Variants in RASGRF2 observed in about 807,000 individuals in gnomAD.
The protein encoded by RASGRF2 is Ras protein specific guanine nucleotide releasing factor 2.
RASGRF2 carries 76 observed loss-of-function variants against 151.0 expected under a neutral mutation model. That is an observed-to-expected ratio of 0.50 (90% CI 0.42 to 0.61). The LOEUF (loss-of-function observed/expected upper bound fraction) is 0.61. RASGRF2 is among the 20% of genes least tolerant of loss of function. The pLI, the probability that RASGRF2 is intolerant of heterozygous loss-of-function variation, is 0.00. For synonymous variants in RASGRF2, 504 were observed against 566.5 expected (o/e 0.89, Z 1.57); for missense variants, 1,148 against 1,564.6 (o/e 0.73, Z 4.49).
At chr5:81,087,460 G>T (rs1752271829) in intron 9 of RASGRF2, 2 of 635,546 alleles carry the variant, frequency 3.1e-6, no homozygotes, top group African/African-American at 1.8e-5. Flanking sequence ...GTTGCCAGAT[G>T]AAATGTCTCT....
At chr5:80,999,324 C>T (rs1257327032) in intron 1 of RASGRF2, among the ~76,000 whole-genome samples, 1 of 151,972 alleles carries the variant, frequency 6.6e-6, no homozygotes, top group African/African-American at 2.4e-5. Flanking sequence ...CTCTCCTTAA[C>T]CATTTTTTAT....
At chr5:81,225,146 G>A (rs1373519466) in intron 26 of RASGRF2, among the ~76,000 whole-genome samples, 2 of 152,166 alleles carry the variant, frequency 1.3e-5, no homozygotes, top group Non-Finnish European at 2.9e-5. Context: ...ATGCACTCCA[G>A]GAAGCATGCT....
At chr5:81,043,070 T>G in intron 2 of RASGRF2, 87 bp downstream of exon 2, 1 of 996,362 alleles carries the variant, frequency 1.0e-6, no homozygotes, top group Non-Finnish European at 1.5e-6. Context: ...TGGAAGAACT[T>G]GCAACTCTAA....
Position 81,200,272 on chromosome 5 carries a change from T to TAA in RASGRF2, c.2794-1042_2794-1041dup, listed in dbSNP as rs559961232. ...GGTGACAGAGAGAGACCCTGTGATTTAAAAAAAAAAAAAAAAAGAAGAAGA... is the reference window on the plus strand; with the variant it reads ...GGTGACAGAGAGAGACCCTGTGATTTAAAAAAAAAAAAAAAAAAAGAAGAAGA... On this transcript the variant is annotated intron_variant, in intron 18 of 26. Transcript: ENST00000265080. Among the ~76,000 whole-genome samples, 1,330 of 138,324 alleles carry TAA rather than the reference T, an allele frequency of 9.6e-3. 10 individuals are homozygous for TAA. Among genetic ancestry groups the TAA allele is most frequent in the African/African-American group, 0.015 (550 of 37,458 alleles). 90.7% of individuals were successfully genotyped at this position (138,324 alleles called of 152,430 possible).
intron 1 of RASGRF2, among the ~76,000 whole-genome samples, chr5:81,013,071 C>A (rs1306215738): frequency 2.6e-5 from 4 of 152,180 alleles, no homozygotes; most frequent in Non-Finnish European, 5.9e-5. Context: ...AACACCCCCA[C>A]AGAGTTTTAA....
chr5:81,176,617 A>T (rs866450155), intron 17 of RASGRF2, among the ~76,000 whole-genome samples: 13 of 151,920 alleles, frequency 8.6e-5, no homozygotes, highest in Middle Eastern at 3.4e-3. Context: ...ATAATTTTGG[A>T]TTGTGAGCTC....
At chr5:81,032,091 T>C (rs553680843) in intron 1 of RASGRF2, among the ~76,000 whole-genome samples, 53 of 152,114 alleles carry the variant, frequency 3.5e-4, no homozygotes, top group African/African-American at 1.2e-3. Context: ...CCTCCCAAGA[T>C]TAAACCAGGA....
intron 23 of RASGRF2, 75 bp downstream of exon 23, chr5:81,212,638 A>G: frequency 7.5e-7 from 1 of 1,336,672 alleles, no homozygotes; most frequent in Non-Finnish European, 1.0e-6. Flanking sequence ...GTTAAATATT[A>G]CTAATTAGGA....
chr5:81,146,610 G>T (rs40046), intron 17 of RASGRF2, among the ~76,000 whole-genome samples: 102,664 of 151,864 alleles, frequency 0.68, 34,955 homozygotes, highest in East Asian at 0.81. Context: ...GACTAGAACC[G>T]GGGCCAATGA....
chr5:81,093,465 A>G (rs2112502619), intron 10 of RASGRF2, among the ~76,000 whole-genome samples: 1 of 152,246 alleles, frequency 6.6e-6, no homozygotes, highest in Non-Finnish European at 1.5e-5. Context: ...AGGCTGGAGT[A>G]CAGCAGCGTG....
At chr5:81,180,713 CT>C (rs1580385237) in intron 18 of RASGRF2, among the ~76,000 whole-genome samples, 4 of 141,902 alleles carry the variant, frequency 2.8e-5, no homozygotes, top group South Asian at 4.9e-4. Flanking sequence ...ACGGTCCCCC[CT>C]GGAGGTAAAT....
chr5:81,207,425 G>T, intron 21 of RASGRF2, 76 bp downstream of exon 21: 2 of 1,292,242 alleles, frequency 1.5e-6, no homozygotes, highest in Admixed American at 1.8e-5. Context: ...CCTAAGGCAG[G>T]TTGTGTGTAT....
chr5:81,186,661 A>G (rs1755033273), intron 18 of RASGRF2, among the ~76,000 whole-genome samples: 1 of 152,216 alleles, frequency 6.6e-6, no homozygotes, highest in Non-Finnish European at 1.5e-5. Context: ...AAATAAATAT[A>G]GTCTGAGGTA....
chr5:81,117,519 C>G (rs2112554910), intron 15 of RASGRF2, among the ~76,000 whole-genome samples: 1 of 152,330 alleles, frequency 6.6e-6, no homozygotes, highest in Admixed American at 6.5e-5. Flanking sequence ...GGTCCCACCT[C>G]TCAACACTGT....
chr5:81,072,513 C>G (rs1751808357), intron 4 of RASGRF2, among the ~76,000 whole-genome samples: 1 of 152,158 alleles, frequency 6.6e-6, no homozygotes, highest in Non-Finnish European at 1.5e-5. Context: ...AATTTACAAC[C>G]TACTTTGTTG....
At chr5:81,075,691 GA>G (rs1490349448) in intron 5 of RASGRF2, among the ~76,000 whole-genome samples, 1 of 152,176 alleles carries the variant, frequency 6.6e-6, no homozygotes, top group Non-Finnish European at 1.5e-5. Flanking sequence ...AGGCTGAGGG[GA>G]AAAGATGACT....
intron 2 of RASGRF2, among the ~76,000 whole-genome samples, chr5:81,047,739 T>G (rs659130): frequency 0.37 from 55,562 of 152,128 alleles, 10,438 homozygotes; most frequent in Middle Eastern, 0.61. Flanking sequence ...TATCATCCAG[T>G]TAAACCTTTC....
chr5:80,964,635 A>G (rs111627339), intron 1 of RASGRF2, among the ~76,000 whole-genome samples: 12 of 152,256 alleles, frequency 7.9e-5, no homozygotes, highest in African/African-American at 2.4e-4. Context: ...GCAAATCTAG[A>G]TGGATGGGGG....
chr5:81,053,960 T>C (rs1751110529), intron 2 of RASGRF2, among the ~76,000 whole-genome samples: 1 of 152,232 alleles, frequency 6.6e-6, no homozygotes, highest in African/African-American at 2.4e-5. Flanking sequence ...TTCACCCACT[T>C]GTTGATGGGG....
Sources: gnomAD v4.1 joint callset for allele counts (sites outside exome capture counted in the v4.1 genomes callset) on GRCh38, gnomAD v4.1.1 for gene constraint, MANE v1.5 for transcripts, NCBI Gene and HGNC (gene_info 2026-07-23, HGNC 2026-07-21) for gene names.